The following CDKL1 variants were observed in gnomAD, a reference collection of about 807,000 sequenced individuals.
CDKL1 encodes the protein cyclin-dependent kinase-like 1.
A neutral mutation model predicts 42.0 loss-of-function variants in CDKL1; 41 were observed. The ratio of observed to expected loss-of-function variants is 0.98; its 90% CI spans 0.76 to 1.27. The LOEUF (loss-of-function observed/expected upper bound fraction) is 1.27, where lower values mean the gene tolerates loss of function less well. Ranked by LOEUF, CDKL1 falls within the 50% of genes most tolerant of loss-of-function variation. The probability of loss-of-function intolerance (pLI) is 0.00; values close to 1 mark genes in which losing one functional copy is unlikely to be tolerated. For missense variants in CDKL1, 394 were observed against 428.4 expected, an observed-to-expected ratio of 0.92 and a Z score of 0.71; for synonymous variants, 153 against 158.6, an observed-to-expected ratio of 0.96 and a Z score of 0.26.
chr14:50,343,674 G>A (rs897968472), intron 4 of CDKL1, among the ~76,000 whole-genome samples: 6 of 152,116 alleles, frequency 3.9e-5, no homozygotes, highest in Admixed American at 1.3e-4. Context: ...GAGCCAAACA[G>A]GGTGTCTGGG....
chr14:50,326,495 T>C lies in CDKL1; in HGVS notation c.*3579A>G. The C allele has an allele frequency of 3.0e-6, 3 of 985,446 alleles. No homozygotes were observed. Among genetic ancestry groups the C allele is most frequent in the Non-Finnish European group, 3.6e-6 (3 of 829,928 alleles). 61.0% of individuals were successfully genotyped at this position (985,446 alleles called of 1,614,324 possible). A position where few individuals can be genotyped will look rare whatever the true frequency, so the allele number is the denominator to read the frequency against. On this transcript the variant is annotated 3_prime_UTR_variant, in exon 10 of 10. Coordinates refer to ENST00000395834, the MANE Select transcript of CDKL1 (RefSeq NM_004196.7). ...AATTATGCAAAGTGGTCAGTGGTTG[T>C]TGAAGCATGCATTGCTTCAACAGGA...
At chr14:50,356,726 C>A (rs1410421262) in intron 3 of CDKL1, among the ~76,000 whole-genome samples, 3 of 152,084 alleles carry the variant, frequency 2.0e-5, no homozygotes, top group Non-Finnish European at 4.4e-5. Context: ...CTTAAGATTT[C>A]CTTAATAAAT....
At chr14:50,380,069 T>G (rs1313507683) in intron 2 of CDKL1, 1 of 487,242 alleles carries the variant, frequency 2.1e-6, no homozygotes, top group East Asian at 6.1e-5. Flanking sequence ...AAATGCAAAA[T>G]TGGCATAGGT....
chr14:50,377,558 AG>A, intron 2 of CDKL1: 1 of 1,330,566 alleles, frequency 7.5e-7, no homozygotes, highest in South Asian at 1.2e-5. Flanking sequence ...GGCCTTAGCT[AG>A]CAGGCCTTCA....
At chr14:50,342,070 C>T in intron 5 of CDKL1, 62 bp downstream of exon 5, 1 of 1,281,566 alleles carries the variant, frequency 7.8e-7, no homozygotes, top group Non-Finnish European at 1.1e-6. Flanking sequence ...CATTTAGATC[C>T]TTTGTTGTAT....
Position 50,326,672 on chromosome 14 carries a change from T to C in CDKL1, c.*3402A>G. 1 of 985,392 alleles carries C rather than the reference T, an allele frequency of 1.0e-6. No individual in the cohort carries two copies. Among genetic ancestry groups the C allele is most frequent in the Non-Finnish European group, 1.2e-6 (1 of 829,878 alleles). The allele number at this position is 985,392 out of a possible 1,614,324, so 61.0% of individuals were successfully genotyped here. ...ACATAGATACTTGGCTGAATACAAA[T>C]AGTTTTGCAGATTGCAATATAATAA... On this transcript the variant is annotated 3_prime_UTR_variant, in exon 10 of 10. Coordinates refer to ENST00000395834, the MANE Select transcript of CDKL1 (RefSeq NM_004196.7).
Position 50,332,683 on chromosome 14 carries a change from G to T in CDKL1, c.796-251C>A, listed in dbSNP as rs960683447. 14 of 1,533,204 alleles carry T rather than the reference G, an allele frequency of 9.1e-6. No homozygotes were observed. The Admixed American group carries it at 2.8e-4, about 30-fold the overall frequency. 95.0% of individuals were successfully genotyped at this position (1,533,204 alleles called of 1,614,324 possible). The stretch of plus-strand genomic sequence containing the variant: ...CCTTATTCTGTTCTTGAAGCAATTG[G>T]TACTCTGCCCTGGGAGAGTAAGATA... On this transcript the variant is annotated intron_variant, in intron 8 of 9. Coordinates refer to ENST00000395834, the MANE Select transcript of CDKL1 (RefSeq NM_004196.7).
chr14:50,365,729 T>G (rs1362965283), intron 2 of CDKL1, among the ~76,000 whole-genome samples: 1 of 152,116 alleles, frequency 6.6e-6, no homozygotes, highest in Non-Finnish European at 1.5e-5. Context: ...CCAAAGGAGA[T>G]TAACATTTGA....
At chr14:50,343,055 T>C in intron 4 of CDKL1, 1 of 1,332,534 alleles carries the variant, frequency 7.5e-7, no homozygotes, top group Non-Finnish European at 9.9e-7. Flanking sequence ...TTAAACAGGG[T>C]GATCTTAGAG....
At chr14:50,336,254 G>T (rs10136242) in intron 7 of CDKL1, 2 of 1,272,494 alleles carry the variant, frequency 1.6e-6, no homozygotes, top group African/African-American at 1.5e-5. Context: ...TGCAGCCCCC[G>T]CACTGCCTCT....
At chr14:50,395,162 A>G (rs772317068) in intron 2 of CDKL1, among the ~76,000 whole-genome samples, 3 of 152,254 alleles carry the variant, frequency 2.0e-5, no homozygotes, top group African/African-American at 7.2e-5. Context: ...CCAATAGGAA[A>G]TACCTTAGAA....
At chr14:50,364,909 C>T (rs2034395078) in intron 2 of CDKL1, among the ~76,000 whole-genome samples, 1 of 152,082 alleles carries the variant, frequency 6.6e-6, no homozygotes, top group African/African-American at 2.4e-5. Context: ...CAAGTACTGC[C>T]CCTACCGGCC....
At chr14:50,388,596 C>T (rs1172946336) in intron 2 of CDKL1, among the ~76,000 whole-genome samples, 4 of 152,190 alleles carry the variant, frequency 2.6e-5, no homozygotes, top group African/African-American at 9.7e-5. Context: ...ATGTTTACTC[C>T]CTTTGACCCT....
intron 3 of CDKL1, among the ~76,000 whole-genome samples, chr14:50,351,749 A>AT (rs2033910649): frequency 6.6e-6 from 1 of 151,942 alleles, no homozygotes. Flanking sequence ...AAAAAAAAAA[A>AT]AAGGTCAGGG....
At position 50,377,569 on chromosome 14, in the gene CDKL1, A is replaced by G. The variant is rs534641680; in HGVS notation, c.168+18132T>C. The G allele has an allele frequency of 2.5e-5, 33 of 1,341,944 alleles. No homozygotes were observed. In the East Asian group the frequency reaches 1.5e-3, roughly 60 times the overall value. The allele number at this position is 1,341,944 out of a possible 1,614,324, so 83.1% of individuals were successfully genotyped here. A position where few individuals can be genotyped will look rare whatever the true frequency, so the allele number is the denominator to read the frequency against. On this transcript the variant is annotated intron_variant, in intron 2 of 9. Transcript: ENST00000395834. ...AAGTGGCCTTAGCTAGCAGGCCTTC[A>G]GAATGGAATTCTGGAACTGGATCAA...
chr14:50,367,348 C>A (rs1236570945), intron 2 of CDKL1, among the ~76,000 whole-genome samples: 1 of 152,196 alleles, frequency 6.6e-6, no homozygotes, highest in East Asian at 1.9e-4. Context: ...GTGGACTTAA[C>A]ATCTCAAACT....
chr14:50,391,121 C>CT (rs2035245836), intron 2 of CDKL1, among the ~76,000 whole-genome samples: 7 of 152,232 alleles, frequency 4.6e-5, no homozygotes, highest in Non-Finnish European at 2.9e-5. Context: ...GCGTGAGCCA[C>CT]CACACCCAGC....
intron 8 of CDKL1, chr14:50,333,628 C>T (rs1220018279): frequency 6.6e-6 from 1 of 152,128 alleles, no homozygotes. Flanking sequence ...TCTTTTATTC[C>T]TTTACTTTGT....
At chr14:50,358,933 C>A (rs2034151582) in intron 3 of CDKL1, 95 bp downstream of exon 3, 1 of 1,282,568 alleles carries the variant, frequency 7.8e-7, no homozygotes, top group South Asian at 1.4e-5. Flanking sequence ...AGCCACTGCA[C>A]CCGGCCTTAC....
Sources: gnomAD v4.1 joint callset for allele counts (sites outside exome capture counted in the v4.1 genomes callset) on GRCh38, gnomAD v4.1.1 for gene constraint, MANE v1.5 for transcripts, NCBI Gene and HGNC (gene_info 2026-07-23, HGNC 2026-07-21) for gene names.